PDE1C: variants seen among roughly 807,000 people sequenced by gnomAD.
PDE1C encodes the protein dual specificity calcium/calmodulin-dependent 3',5'-cyclic nucleotide phosphodiesterase 1C.
A neutral mutation model predicts 93.1 loss-of-function variants in PDE1C; 62 were observed. That is an observed-to-expected ratio of 0.67 (90% CI 0.54 to 0.82). PDE1C has a LOEUF of 0.82. Ranked by LOEUF, PDE1C falls within the 40% of genes least tolerant of loss-of-function variation. The pLI is 0.00. For synonymous variants in PDE1C, 325 were observed against 310.1 expected (o/e 1.05, Z -0.50); for missense variants, 742 against 884.6 (o/e 0.84, Z 2.04).
chr7:32,241,342 G>C (rs1808528800), intron 1 of PDE1C, among the ~76,000 whole-genome samples: 1 of 152,184 alleles, frequency 6.6e-6, no homozygotes, highest in African/African-American at 2.4e-5. Context: ...GAAGAACCAA[G>C]AGTTGTACCT....
At chr7:31,807,974 A>T (rs1309270479) in intron 16 of PDE1C, among the ~76,000 whole-genome samples, 1 of 151,978 alleles carries the variant, frequency 6.6e-6, no homozygotes, top group Non-Finnish European at 1.5e-5. Context: ...GGTATTATGT[A>T]ATAAGACACC....
In PDE1C at chr7:31,775,323, C is replaced by A. The variant is rs139207873; in HGVS notation, c.1960+341G>T. 1.2e-4 allele frequency among the ~76,000 whole-genome samples: 19 copies of A among 152,252 alleles called. No individual in the cohort carries two copies. The East Asian group carries it at 3.5e-3, about 28-fold the overall frequency. On this transcript the variant is annotated intron_variant, in intron 17 of 17. Transcript: ENST00000396191. ...AACACAGAAAAGCTGGGATTTAAAC[C>A]TGAGTCTCGATCTCACCACAGACTC...
chr7:32,344,477 T>TG (rs1199561813), intron 1 of PDE1C, among the ~76,000 whole-genome samples: 1 of 152,210 alleles, frequency 6.6e-6, no homozygotes, highest in Non-Finnish European at 1.5e-5. Context: ...CGCTTTTCCT[T>TG]GTTCATTCTA....
At chr7:31,895,714 T>C (rs934575148) in intron 2 of PDE1C, among the ~76,000 whole-genome samples, 1 of 151,886 alleles carries the variant, frequency 6.6e-6, no homozygotes, top group Non-Finnish European at 1.5e-5. Context: ...CAAGAGGTAA[T>C]TGACTCATGG....
chr7:32,333,124 C>G (rs986389673), intron 1 of PDE1C, among the ~76,000 whole-genome samples: 1 of 152,002 alleles, frequency 6.6e-6, no homozygotes, highest in Non-Finnish European at 1.5e-5. Context: ...TAACCAAAAC[C>G]ATAGTCAAAG....
At chr7:31,886,579 C>T (rs540659318) in intron 2 of PDE1C, among the ~76,000 whole-genome samples, 19 of 152,130 alleles carry the variant, frequency 1.2e-4, no homozygotes, top group East Asian at 5.8e-4. Context: ...GTACTGTAAG[C>T]GAAATGGCAG....
chr7:31,734,237 T>TA, the PDE1C span, among the ~76,000 whole-genome samples: 1 of 152,090 alleles, frequency 6.6e-6, no homozygotes, highest in African/African-American at 2.4e-5. Context: ...GAGATGTGTG[T>TA]ATGGAATATT....
At chr7:32,058,373 AGTT>A in intron 1 of PDE1C, among the ~76,000 whole-genome samples, 1 of 152,340 alleles carries the variant, frequency 6.6e-6, no homozygotes, top group South Asian at 2.1e-4. Flanking sequence ...AGGCTCGTGT[AGTT>A]AACTACAGGT....
intron 1 of PDE1C, among the ~76,000 whole-genome samples, chr7:32,276,857 CAGAA>C (rs1471982662): frequency 6.6e-6 from 1 of 152,068 alleles, no homozygotes; most frequent in Non-Finnish European, 1.5e-5. Context: ...TTTTATAAGA[CAGAA>C]AGAACAAAAT....
At chr7:32,223,965 C>G (rs559804590) in intron 1 of PDE1C, among the ~76,000 whole-genome samples, 1 of 152,320 alleles carries the variant, frequency 6.6e-6, no homozygotes, top group Admixed American at 6.5e-5. Context: ...TCCCAGCACA[C>G]ACCTGCACAT....
At chr7:32,258,446 T>C (rs1030152862) in intron 1 of PDE1C, among the ~76,000 whole-genome samples, 1 of 152,164 alleles carries the variant, frequency 6.6e-6, no homozygotes, top group Non-Finnish European at 1.5e-5. Context: ...ACATATTCCA[T>C]GCACTTCCCT....
chr7:31,952,559 C>T (rs532472937), intron 2 of PDE1C, among the ~76,000 whole-genome samples: 1 of 152,186 alleles, frequency 6.6e-6, no homozygotes, highest in Admixed American at 6.5e-5. Context: ...GAGAGTTACC[C>T]ATTTTTAGCA....
intron 2 of PDE1C, among the ~76,000 whole-genome samples, chr7:32,191,903 G>T (rs1804262911): frequency 6.6e-6 from 1 of 152,160 alleles, no homozygotes; most frequent in Non-Finnish European, 1.5e-5. Context: ...TCGGGTAGGT[G>T]TGCAGTGGTA....
chr7:31,876,719 T>C (rs1796643169), intron 5 of PDE1C, among the ~76,000 whole-genome samples: 1 of 152,178 alleles, frequency 6.6e-6, no homozygotes, highest in Non-Finnish European at 1.5e-5. Context: ...TCACTGTACA[T>C]TACACTGAAG....
chr7:31,809,684 C>T (rs1274208877), intron 15 of PDE1C, among the ~76,000 whole-genome samples: 1 of 151,956 alleles, frequency 6.6e-6, no homozygotes, highest in Non-Finnish European at 1.5e-5. Flanking sequence ...AAGAGGATTC[C>T]AAGAGTACTG....
chr7:32,140,017 T>C (rs1800427809), intron 3 of PDE1C, among the ~76,000 whole-genome samples: 1 of 152,194 alleles, frequency 6.6e-6, no homozygotes, highest in African/African-American at 2.4e-5. Context: ...GGAGTTATCC[T>C]ACTACTATTC....
the PDE1C span, among the ~76,000 whole-genome samples, chr7:31,728,760 G>A: frequency 3.3e-5 from 5 of 152,220 alleles, no homozygotes; most frequent in African/African-American, 1.2e-4. Context: ...GCAGGAGGTA[G>A]AGTTAAGTCC....
chr7:31,816,221 G>A (rs1788245907), intron 14 of PDE1C, 67 bp from the exon 15 acceptor site: 2 of 1,410,334 alleles, frequency 1.4e-6, no homozygotes, highest in Admixed American at 1.9e-5. Flanking sequence ...TAGGAGAATG[G>A]CCTGTTTTAG....
At chr7:32,053,318 G>A (rs1793629776) in intron 1 of PDE1C, among the ~76,000 whole-genome samples, 2 of 152,170 alleles carry the variant, frequency 1.3e-5, no homozygotes, top group Admixed American at 1.3e-4. Context: ...CAAAAGCTAT[G>A]ATGCATGTGC....
Sources: gnomAD v4.1 joint callset for allele counts (sites outside exome capture counted in the v4.1 genomes callset) on GRCh38, gnomAD v4.1.1 for gene constraint, MANE v1.5 for transcripts, NCBI Gene and HGNC (gene_info 2026-07-23, HGNC 2026-07-21) for gene names.